Variants in SPRED2 observed in about 807,000 individuals in gnomAD.
SPRED2 encodes the protein sprouty-related, EVH1 domain-containing protein 2.
In SPRED2, 47 loss-of-function variants were observed where a neutral mutation model predicts 43.0. The ratio of observed to expected loss-of-function variants is 1.09; its 90% CI spans 0.87 to 1.40. The LOEUF is 1.40. SPRED2 is among the 40% of genes most tolerant of loss of function. The pLI is 0.00. For missense variants in SPRED2, 561 were observed against 586.4 expected, an observed-to-expected ratio of 0.96 and a Z score of 0.45; for synonymous variants, 225 against 225.7, an observed-to-expected ratio of 1.00 and a Z score of 0.03.
intron 1 of SPRED2, among the ~76,000 whole-genome samples, chr2:65,372,457 G>T (rs924756119): frequency 6.6e-6 from 1 of 152,206 alleles, no homozygotes; most frequent in Non-Finnish European, 1.5e-5. Flanking sequence ...AATGGTTGCG[G>T]CATTCAGGGT....
At chr2:65,317,767 T>A (rs1481432142) in intron 4 of SPRED2, among the ~76,000 whole-genome samples, 1 of 151,982 alleles carries the variant, frequency 6.6e-6, no homozygotes, top group South Asian at 2.1e-4. Flanking sequence ...AAATTTTGTA[T>A]CTTTGGGGTT....
chr2:65,404,443 T>C (rs1675976054), intron 1 of SPRED2, among the ~76,000 whole-genome samples: 1 of 152,200 alleles, frequency 6.6e-6, no homozygotes, highest in Non-Finnish European at 1.5e-5. Flanking sequence ...TTTCAAAATC[T>C]CCTCTCATCT....
chr2:65,415,975 C>T (rs918470203), intron 1 of SPRED2, among the ~76,000 whole-genome samples: 1 of 152,124 alleles, frequency 6.6e-6, no homozygotes, highest in Non-Finnish European at 1.5e-5. Flanking sequence ...ACAGATTAAT[C>T]GGAATGAATT....
intron 5 of SPRED2, 145 bp from the exon 6 acceptor site, chr2:65,314,314 C>A: frequency 1.3e-6 from 1 of 776,596 alleles, no homozygotes; most frequent in Non-Finnish European, 2.0e-6. Flanking sequence ...AGAAACAGAC[C>A]CTTCCTGAAA....
chr2:65,336,976 C>T (rs939745371), intron 2 of SPRED2, among the ~76,000 whole-genome samples: 2 of 152,064 alleles, frequency 1.3e-5, no homozygotes, highest in East Asian at 1.9e-4. Context: ...GGCATGGTGG[C>T]GGGCACCTGT....
At chr2:65,309,111 A>C (rs1001570033), downstream of SPRED2, among the ~76,000 whole-genome samples, 2 of 151,702 alleles carry the variant, frequency 1.3e-5, no homozygotes, top group Non-Finnish European at 2.9e-5. Flanking sequence ...AGCCAAGATC[A>C]TAACACTGCA....
chr2:65,400,606 C>T (rs1259096613), intron 1 of SPRED2, among the ~76,000 whole-genome samples: 1 of 152,150 alleles, frequency 6.6e-6, no homozygotes, highest in Non-Finnish European at 1.5e-5. Flanking sequence ...TGCTCAGGGC[C>T]TCAGTGTGTG....
At position 65,383,576 on chromosome 2, in the gene SPRED2, C is replaced by T. The variant is rs181292192; in HGVS notation, c.27-38680G>A. ...GTGCCCATCAAAACCCACCAAAGGC[C>T]GCTCCCCACCGTTACGTGGGTTCCC... On this transcript the variant is annotated intron_variant, in intron 1 of 5. Coordinates refer to ENST00000356388, the MANE Select transcript of SPRED2 (RefSeq NM_181784.3). Among the ~76,000 whole-genome samples, 8 of 152,276 alleles carry T rather than the reference C, an allele frequency of 5.3e-5. No individual in the cohort carries two copies. The East Asian group carries it at 1.4e-3, about 26-fold the overall frequency.
At chr2:65,338,423 G>C (rs1257618578) in intron 2 of SPRED2, among the ~76,000 whole-genome samples, 9 of 151,408 alleles carry the variant, frequency 5.9e-5, no homozygotes, top group Middle Eastern at 3.4e-3. Context: ...TCAGCCTGCC[G>C]AGTGCCTGCG....
At chr2:65,364,110 AG>A (rs1674900720) in intron 1 of SPRED2, among the ~76,000 whole-genome samples, 1 of 152,202 alleles carries the variant, frequency 6.6e-6, no homozygotes, top group South Asian at 2.1e-4. Flanking sequence ...TTTCCATCCA[AG>A]CAGAGTTAGG....
chr2:65,401,928 C>CGCGCGT (rs746903175), intron 1 of SPRED2, among the ~76,000 whole-genome samples: 15,186 of 100,764 alleles, frequency 0.15, 1,254 homozygotes, highest in Non-Finnish European at 0.19. Context: ...AGAATATTAG[C>CGCGCGT]GCGCGCGCGC....
intron 2 of SPRED2, among the ~76,000 whole-genome samples, chr2:65,339,063 C>G (rs1401611576): frequency 5.0e-5 from 7 of 140,230 alleles, no homozygotes; most frequent in East Asian, 4.4e-4. Flanking sequence ...GCTCAGCCCC[C>G]CGCCGGGCCA....
At chr2:65,310,800 C>A (rs147701515), downstream of SPRED2, 1 of 906,186 alleles carries the variant, frequency 1.1e-6, no homozygotes, top group Non-Finnish European at 1.3e-6. Context: ...GATCTGCCAA[C>A]GCTCTAGCAT....
intron 1 of SPRED2, among the ~76,000 whole-genome samples, chr2:65,412,205 C>T (rs1676179161): frequency 6.6e-6 from 1 of 151,870 alleles, no homozygotes; most frequent in African/African-American, 2.4e-5. Context: ...GGAGGTGAAT[C>T]TCAAACTGTG....
chr2:65,327,931 C>A (rs546985415), intron 4 of SPRED2, among the ~76,000 whole-genome samples: 3 of 151,676 alleles, frequency 2.0e-5, no homozygotes, highest in African/African-American at 7.3e-5. Flanking sequence ...ACCATGTTGG[C>A]CAGGCTGGTC....
chr2:65,366,685 T>A, intron 1 of SPRED2: 1 of 1,540,356 alleles, frequency 6.5e-7, no homozygotes, highest in South Asian at 1.2e-5. Flanking sequence ...ATGGATCGTC[T>A]CTTGCTGACC....
chr2:65,414,935 A>G (rs1485391134), intron 1 of SPRED2, among the ~76,000 whole-genome samples: 1 of 152,144 alleles, frequency 6.6e-6, no homozygotes, highest in African/African-American at 2.4e-5. Flanking sequence ...TCTCTGAGTC[A>G]TTAGTTGACT....
intron 1 of SPRED2, among the ~76,000 whole-genome samples, chr2:65,431,580 C>T (rs991313274): frequency 2.6e-5 from 4 of 152,216 alleles, no homozygotes; most frequent in Non-Finnish European, 2.9e-5. Context: ...CACAAAGTCA[C>T]TGTGCAAAAA....
At chr2:65,409,769 C>T (rs572938009) in intron 1 of SPRED2, among the ~76,000 whole-genome samples, 86 of 150,214 alleles carry the variant, frequency 5.7e-4, no homozygotes, top group Admixed American at 2.4e-3. Context: ...GGCATGGTGG[C>T]TCACGCCTGT....
Sources: gnomAD v4.1 joint callset for allele counts (sites outside exome capture counted in the v4.1 genomes callset) on GRCh38, gnomAD v4.1.1 for gene constraint, MANE v1.5 for transcripts, NCBI Gene and HGNC (gene_info 2026-07-23, HGNC 2026-07-21) for gene names.